MYBPC3: variants seen among roughly 807,000 people sequenced by gnomAD.
The protein encoded by MYBPC3 is myosin binding protein C3, also known as myosin-binding protein C, cardiac-type.
Under a neutral mutation model 159.3 loss-of-function variants are expected in MYBPC3, and 108 were observed. That is an observed-to-expected ratio of 0.68 (90% CI 0.58 to 0.80). MYBPC3 has a LOEUF of 0.80. Ranked by LOEUF, MYBPC3 falls within the 30% of genes least tolerant of loss-of-function variation. The pLI, the probability that MYBPC3 is intolerant of heterozygous loss-of-function variation, is 0.00. For missense variants in MYBPC3, 1,631 were observed against 1,762.1 expected (o/e 0.93, Z 1.33); for synonymous variants, 730 against 702.0 (o/e 1.04, Z -0.63).
At chr11:47,334,093 GC>G in intron 27 of MYBPC3, 83 bp from the exon 28 acceptor site, 2 of 1,335,670 alleles carry the variant, frequency 1.5e-6, no homozygotes, top group Non-Finnish European at 2.1e-6. Flanking sequence ...TTGAGACAAG[GC>G]CCAGAGAGCT....
At chr11:47,334,427 G>A (rs2095880306) in intron 27 of MYBPC3, among the ~76,000 whole-genome samples, 1 of 152,222 alleles carries the variant, frequency 6.6e-6, no homozygotes, top group Admixed American at 6.5e-5. Flanking sequence ...GGATCCCAGA[G>A]GGACCAATCT....
At chr11:47,344,120 CTCTG>C (rs891239421) in intron 12 of MYBPC3, among the ~76,000 whole-genome samples, 2 of 152,228 alleles carry the variant, frequency 1.3e-5, no homozygotes, top group African/African-American at 4.8e-5. Flanking sequence ...ACCTCCTTGT[CTCTG>C]TCTGTCTGAC....
rs753660871 is a variant in MYBPC3, at chr11:47,343,570, C to T, written c.1145G>A (p.Arg382Gln). ...ATGGTCAGCCAGTTCCACGGTCAGC[C>T]GGATCTTGTGGCCTTTGCTCACCTG... Reference protein sequence around the residue: ...AYQVSKGHKIRLTVELADHDA... With the variant: ...AYQVSKGHKIQLTVELADHDA... Residue 382 changes from arginine to glutamine, a missense_variant, in exon 13 of 35, where the codon CGG (arginine) becomes CAG (glutamine). By Grantham distance (43) the Arg-to-Gln change is conservative. Transcript: ENST00000545968. The T allele has an allele frequency of 3.1e-6, 5 of 1,612,792 alleles. No individual in the cohort carries two copies. Among genetic ancestry groups the T allele is most frequent in the Non-Finnish European group, 1.7e-6 (2 of 1,179,582 alleles).
chr11:47,347,666 C>T lies in MYBPC3; in HGVS notation c.836G>A (p.Gly279Asp). The change falls in exon 8 of 35, where the codon GGT becomes GAT. Residue 279 changes from glycine to aspartate, a missense_variant. Gly to Asp is a moderately conservative substitution (Grantham distance 94). Transcript: ENST00000545968. The part of the protein sequence containing the change: ...SAFRRTSLAG[G>D]GRRISDSHED... Reference sequence around the variant, plus strand: ...GCAGGGGTACCTGATCCGCCGACCACCTCCAGCCAGGCTCCTGTGGGGGTT... The same window carrying T: ...GCAGGGGTACCTGATCCGCCGACCATCTCCAGCCAGGCTCCTGTGGGGGTT... The T allele has an allele frequency of 6.4e-7, 1 of 1,574,354 alleles. No individual in the cohort carries two copies.
rs2142868165 is a variant in MYBPC3, at chr11:47,350,059, T to A, written c.460A>T (p.Ile154Phe). 1 of 1,564,050 alleles carries A rather than the reference T, an allele frequency of 6.4e-7. No individual in the cohort carries two copies. The highest frequency in any genetic ancestry group is 8.7e-7 in the Non-Finnish European group (1 of 1,153,956). ...TGTGGCCGCATCACGAAGAGGCCAA[T>A]GGGGTCATCGGGGGCTCCAGGGGTA... ...GPTPGAPDDP[I>F]GLFVMRPQDG... The change falls in exon 4 of 35, where the codon ATT becomes TTT. Residue 154 changes from isoleucine to phenylalanine, a missense_variant. Ile to Phe is a conservative substitution (Grantham distance 21, BLOSUM62 0). Coordinates refer to ENST00000545968, the MANE Select transcript of MYBPC3 (RefSeq NM_000256.3).
At chr11:47,337,851 C>T (rs1052003559) in intron 23 of MYBPC3, 57 bp from the exon 24 acceptor site, 11 of 1,460,802 alleles carry the variant, frequency 7.5e-6, no homozygotes, top group East Asian at 5.0e-5. Context: ...CCTTGAGTAA[C>T]GTTGCTCGTC....
Position 47,342,669 on chromosome 11 carries a change from G to T in MYBPC3, c.1533C>A (p.His511Gln), listed in dbSNP as rs2095889968. ...CCAGCATGGCCTCGTTGATGATCAGGTGGTGTCTCTGCCCGTCCTTCTTGA... is the reference window on the plus strand; with the variant it reads ...CCAGCATGGCCTCGTTGATGATCAGTTGGTGTCTCTGCCCGTCCTTCTTGA... ...YRFKKDGQRH[H>Q]LIINEAMLED... The change falls in exon 17 of 35, where the codon CAC becomes CAA. Residue 511 changes from histidine (H) to glutamine (Q), a missense_variant. Physicochemically the swap from His to Gln is conservative, Grantham distance 24. Coordinates refer to ENST00000545968, the MANE Select transcript of MYBPC3 (RefSeq NM_000256.3). 6.2e-7 allele frequency: 1 copy of T among 1,613,898 alleles called. No homozygotes were observed. Among genetic ancestry groups the T allele is most frequent in the Non-Finnish European group, 8.5e-7 (1 of 1,179,892 alleles).
In MYBPC3 at chr11:47,346,574, G is replaced by A; in HGVS notation, c.926+53C>T. ...GAAGAGGGGCTGGGGATCTGGAGGGGCTCCTGGCAGAATTAGGGGTGATGA... is the reference window on the plus strand; with the variant it reads ...GAAGAGGGGCTGGGGATCTGGAGGGACTCCTGGCAGAATTAGGGGTGATGA... On this transcript the variant is annotated intron_variant, in intron 11 of 34. Coordinates refer to ENST00000545968, the MANE Select transcript of MYBPC3 (RefSeq NM_000256.3). This position sits in a 1 kb window ranked among gnomAD's most constrained non-coding sequence, Gnocchi z 5.3. 2 of 1,542,188 alleles carry A rather than the reference G, an allele frequency of 1.3e-6. No individual in the cohort carries two copies. Among genetic ancestry groups the A allele is most frequent in the Non-Finnish European group, 1.8e-6 (2 of 1,139,700 alleles).
chr11:47,343,736 G>GC (rs1180248211), intron 12 of MYBPC3, 112 bp from the exon 13 acceptor site: 1 of 1,055,146 alleles, frequency 9.5e-7, no homozygotes, highest in African/African-American at 1.6e-5. Flanking sequence ...TCCCCTCTGT[G>GC]CCGCCCCGCT....
At chr11:47,335,234 G>T in intron 26 of MYBPC3, 25 bp from the exon 27 acceptor site, 1 of 1,557,968 alleles carries the variant, frequency 6.4e-7, no homozygotes, top group Non-Finnish European at 8.7e-7. Flanking sequence ...GGGGAGGCAA[G>T]GCCACAGGCT....
rs397515921 is a variant in MYBPC3, at chr11:47,342,062, A to T, written c.1719T>A (p.Val573=). ...TCCCATTCTTCAGCCACACACCCCG[A>T]ACATTCTCATCTGAGACCTCACATT... ...VFKCEVSDEN[V]RGVWLKNGKE... The change falls in exon 18 of 35, where the codon GTT becomes GTA. Residue 573 remains valine (V), a synonymous_variant. Transcript: ENST00000545968. 2 of 1,613,076 alleles carry T rather than the reference A, an allele frequency of 1.2e-6. No homozygotes were observed. The highest frequency in any genetic ancestry group is 1.7e-6 in the Non-Finnish European group (2 of 1,179,584).
chr11:47,349,846 G>A lies in MYBPC3; in HGVS notation c.582C>T (p.Gly194=). The A allele has an allele frequency of 6.2e-7, 1 of 1,612,582 alleles. No homozygotes were observed. Among genetic ancestry groups the A allele is most frequent in the Non-Finnish European group, 8.5e-7 (1 of 1,179,690 alleles). Residue 194 remains glycine (G), a synonymous_variant, in exon 5 of 35, where the codon GGC becomes GGT. Transcript: ENST00000545968. ...LKPPVVKWFK[G]KWVDLSSKVG... The stretch of plus-strand genomic sequence containing the variant: ...CCTTGCTGCTCAGGTCCACCCATTT[G>A]CCCTTGAACCACTTGACCACAGGCG...
At position 47,331,702 on chromosome 11, in the gene MYBPC3, G is replaced by T; in HGVS notation, c.*41C>A. 1 of 864,352 alleles carries T rather than the reference G, an allele frequency of 1.2e-6. No individual in the cohort carries two copies. The highest frequency in any genetic ancestry group is 1.7e-6 in the Non-Finnish European group (1 of 578,520). The allele number at this position is 864,352 out of a possible 1,614,324, so 53.5% of individuals were successfully genotyped here. A position where few individuals can be genotyped will look rare whatever the true frequency, so the allele number is the denominator to read the frequency against. On this transcript the variant is annotated 3_prime_UTR_variant, in exon 35 of 35. Coordinates refer to ENST00000545968, the MANE Select transcript of MYBPC3 (RefSeq NM_000256.3). ...CCCTCCAGGCTCCTGGCACGGGGCT[G>T]GCATCCGGTTGTACCTGCAACACAG...
chr11:47,344,041 A>C (rs1350071276), intron 12 of MYBPC3, among the ~76,000 whole-genome samples: 1 of 152,120 alleles, frequency 6.6e-6, no homozygotes, highest in Non-Finnish European at 1.5e-5. Flanking sequence ...CGCCCGCCTC[A>C]GCCTCCCAAA....
Position 47,351,238 on chromosome 11 carries a change from C to T in MYBPC3, c.292+1G>A, listed in dbSNP as rs1433492944. On this transcript the variant is annotated splice_donor_variant, in intron 2 of 34. Coordinates refer to ENST00000545968, the MANE Select transcript of MYBPC3 (RefSeq NM_000256.3). LOFTEE classifies it high-confidence loss of function. The surrounding 1 kb of genome is among the most constrained non-coding windows in gnomAD (Gnocchi z 4.2). ...TCAGGGAAGGCTGATCAGGATCTTA[C>T]CTGCCTCTATGACCTTGAGGTCGAA... 1 of 1,356,434 alleles carries T rather than the reference C, an allele frequency of 7.4e-7. No individual in the cohort carries two copies. The highest frequency in any genetic ancestry group is 3.7e-5 in the East Asian group (1 of 27,378). 84.0% of individuals were successfully genotyped at this position (1,356,434 alleles called of 1,614,324 possible).
At chr11:47,340,960 G>A (rs765301497) in intron 20 of MYBPC3, 43 bp downstream of exon 20, 13 of 1,503,960 alleles carry the variant, frequency 8.6e-6, no homozygotes, top group South Asian at 2.7e-5. Flanking sequence ...GGTGGGTTGC[G>A]GGAAAGTGAG....
Position 47,342,560 on chromosome 11 carries a change from C to A in MYBPC3, c.1624+18G>T, listed in dbSNP as rs767468093. The A allele has an allele frequency of 6.4e-7, 1 of 1,556,410 alleles. No homozygotes were observed. Among genetic ancestry groups the A allele is most frequent in the South Asian group, 1.2e-5 (1 of 81,974 alleles). ...GTCCAAGCCCTAAAGCCTCATGTGC[C>A]CCCCCAGCCAGGCTCACCCTGCACA... On this transcript the variant is annotated intron_variant, in intron 17 of 34. Transcript: ENST00000545968.
In MYBPC3 at chr11:47,343,134, T is replaced by C. The variant is rs730880532; in HGVS notation, c.1238A>G (p.Glu413Gly). ...IQMSGSKYIF[E>G]SIGAKRTLTI... ...CAGGGTACGCTTGGCACCGATGGACTCAAAGATGTACCTGGGTGGGGGCCG... is the reference window on the plus strand; with the variant it reads ...CAGGGTACGCTTGGCACCGATGGACCCAAAGATGTACCTGGGTGGGGGCCG... The change falls in exon 15 of 35, where the codon GAG becomes GGG. Residue 413 changes from glutamate to glycine, a missense_variant. By Grantham distance (98) the Glu-to-Gly change is moderately conservative. Coordinates refer to ENST00000545968, the MANE Select transcript of MYBPC3 (RefSeq NM_000256.3). The C allele has an allele frequency of 6.2e-7, 1 of 1,611,466 alleles. No homozygotes were observed. Among genetic ancestry groups the C allele is most frequent in the Non-Finnish European group, 8.5e-7 (1 of 1,178,884 alleles).
chr11:47,339,607 C>T (rs953842974), intron 21 of MYBPC3, 44 bp downstream of exon 21: 5 of 1,528,278 alleles, frequency 3.3e-6, no homozygotes, highest in Non-Finnish European at 4.4e-6. Flanking sequence ...TGGTTCCACA[C>T]ACCCATCTTA....
Sources: allele counts gnomAD v4.1 joint callset (sites outside exome capture counted in the v4.1 genomes callset), GRCh38; gene constraint gnomAD v4.1.1; non-coding constraint Gnocchi (gnomAD v3.1); transcripts MANE v1.5; gene names NCBI Gene and HGNC (gene_info 2026-07-23, HGNC 2026-07-21).